The following CADM1 variants were observed in gnomAD, a reference collection of about 807,000 sequenced individuals.
CADM1 encodes the protein cell adhesion molecule 1.
In CADM1, 15 loss-of-function variants were observed where a neutral mutation model predicts 53.1. That is an observed-to-expected ratio of 0.28 (90% CI 0.19 to 0.44). The LOEUF (loss-of-function observed/expected upper bound fraction) is 0.44, where lower values mean the gene tolerates loss of function less well. Among genes scored for constraint, CADM1 ranks in the 20% least tolerant of loss-of-function variants. The probability of loss-of-function intolerance (pLI) is 1.00; values close to 1 mark genes in which losing one functional copy is unlikely to be tolerated. For missense variants in CADM1, 434 were observed against 611.3 expected (o/e 0.71, Z 3.06); for synonymous variants, 281 against 243.0 (o/e 1.16, Z -1.45).
chr11:115,468,442 T>C (rs1465090095), intron 1 of CADM1, among the ~76,000 whole-genome samples: 1 of 152,192 alleles, frequency 6.6e-6, no homozygotes, highest in African/African-American at 2.4e-5. Context: ...CAAAACTTCA[T>C]GAATAGGATA....
chr11:115,451,309 G>A (rs186647745), intron 1 of CADM1, among the ~76,000 whole-genome samples: 2 of 152,298 alleles, frequency 1.3e-5, no homozygotes, highest in Admixed American at 1.3e-4. Context: ...ACTATGGAAA[G>A]GGCTGTAATT....
intron 1 of CADM1, among the ~76,000 whole-genome samples, chr11:115,260,818 G>A (rs1358761853): frequency 6.7e-6 from 1 of 150,134 alleles, no homozygotes; most frequent in African/African-American, 2.5e-5. Context: ...GACTACAGGC[G>A]CCTGCCACCA....
At chr11:115,430,024 T>C (rs1948003467) in intron 1 of CADM1, among the ~76,000 whole-genome samples, 2 of 137,686 alleles carry the variant, frequency 1.5e-5, no homozygotes, top group Admixed American at 1.6e-4. Context: ...TACAATCCTA[T>C]AGTGCAAATT....
At chr11:115,458,924 C>G (rs1481048444) in intron 1 of CADM1, among the ~76,000 whole-genome samples, 1 of 152,062 alleles carries the variant, frequency 6.6e-6, no homozygotes, top group Admixed American at 6.5e-5. Context: ...AGAGTAGATA[C>G]CCCTTTTCAC....
At chr11:115,292,677 C>A (rs1472885322) in intron 1 of CADM1, among the ~76,000 whole-genome samples, 1 of 152,128 alleles carries the variant, frequency 6.6e-6, no homozygotes, top group Admixed American at 6.5e-5. Flanking sequence ...GTGTATCAGG[C>A]AGAACAGACA....
At chr11:115,415,932 G>A (rs1376530684) in intron 1 of CADM1, among the ~76,000 whole-genome samples, 1 of 151,830 alleles carries the variant, frequency 6.6e-6, no homozygotes, top group African/African-American at 2.4e-5. Flanking sequence ...GTGATCTTAG[G>A]GTAGAAAGAC....
chr11:115,445,408 G>T (rs1320802328), intron 1 of CADM1, among the ~76,000 whole-genome samples: 1 of 151,960 alleles, frequency 6.6e-6, no homozygotes, highest in South Asian at 2.1e-4. Context: ...GAATATTAAA[G>T]AAATTAGTAA....
chr11:115,449,424 C>T (rs1948523683), intron 1 of CADM1, among the ~76,000 whole-genome samples: 1 of 152,170 alleles, frequency 6.6e-6, no homozygotes, highest in South Asian at 2.1e-4. Context: ...CCTGCCAAAA[C>T]CAATAAGCCA....
chr11:115,347,207 C>G (rs940640070), intron 1 of CADM1, among the ~76,000 whole-genome samples: 3 of 152,058 alleles, frequency 2.0e-5, no homozygotes, highest in Admixed American at 6.6e-5. Context: ...AGGCTTCCTG[C>G]GCCAAAGACA....
At chr11:115,311,368 T>G (rs1163582139) in intron 1 of CADM1, among the ~76,000 whole-genome samples, 1 of 152,106 alleles carries the variant, frequency 6.6e-6, no homozygotes, top group Non-Finnish European at 1.5e-5. Context: ...CTCCACAAAA[T>G]ATAATCATCC....
At chr11:115,213,265 T>C (rs1468069610) in intron 7 of CADM1, among the ~76,000 whole-genome samples, 1 of 152,220 alleles carries the variant, frequency 6.6e-6, no homozygotes, top group African/African-American at 2.4e-5. Flanking sequence ...TGGCTCTGCA[T>C]ATCGCCAGCT....
intron 1 of CADM1, among the ~76,000 whole-genome samples, chr11:115,371,774 G>A (rs1688967777): frequency 6.6e-6 from 1 of 151,008 alleles, no homozygotes; most frequent in Non-Finnish European, 1.5e-5. Flanking sequence ...GAGTAGCTGG[G>A]TCTACAGGCA....
intron 1 of CADM1, among the ~76,000 whole-genome samples, chr11:115,406,344 A>T (rs1234660567): frequency 6.6e-6 from 1 of 151,942 alleles, no homozygotes; most frequent in African/African-American, 2.4e-5. Context: ...TGTTTTAAAG[A>T]GGTTTGATTT....
chr11:115,487,350 T>A lies in CADM1; in HGVS notation c.124+16921A>T, dbSNP rs1295207239. ...ATTATATATTCATCTTTTTAAAAAATTTATCTTTTTCTTGCTCCTTTAGTT... is the reference window on the plus strand; with the variant it reads ...ATTATATATTCATCTTTTTAAAAAAATTATCTTTTTCTTGCTCCTTTAGTT... On this transcript the variant is annotated intron_variant, in intron 1 of 11. Coordinates refer to ENST00000331581, the MANE Select transcript of CADM1 (RefSeq NM_001301043.2). 2.6e-5 allele frequency among the ~76,000 whole-genome samples: 4 copies of A among 152,278 alleles called. No homozygotes were observed. The South Asian group carries it at 6.2e-4, about 24-fold the overall frequency.
intron 1 of CADM1, among the ~76,000 whole-genome samples, chr11:115,336,372 G>A (rs1379288856): frequency 1.3e-5 from 2 of 152,118 alleles, no homozygotes; most frequent in African/African-American, 4.8e-5. Context: ...GAGCCTCCAA[G>A]GATCCATGGA....
chr11:115,218,187 C>T (rs897046011), intron 5 of CADM1, 196 bp from the exon 6 acceptor site: 15 of 582,656 alleles, frequency 2.6e-5, no homozygotes, highest in African/African-American at 1.8e-4. Flanking sequence ...AGGAGTGAAC[C>T]GCAAATAGAT....
intron 1 of CADM1, among the ~76,000 whole-genome samples, chr11:115,336,629 T>C (rs560054752): frequency 6.6e-6 from 1 of 152,222 alleles, no homozygotes; most frequent in African/African-American, 2.4e-5. Context: ...AGAACCAAAA[T>C]AAGTCAGGAA....
At chr11:115,498,298 G>A (rs1414131756) in intron 1 of CADM1, among the ~76,000 whole-genome samples, 2 of 152,118 alleles carry the variant, frequency 1.3e-5, no homozygotes, top group South Asian at 2.1e-4. Context: ...TAGCCAGTTC[G>A]AAATGGAAAG....
At chr11:115,289,458 G>T (rs1943820220) in intron 1 of CADM1, among the ~76,000 whole-genome samples, 1 of 152,118 alleles carries the variant, frequency 6.6e-6, no homozygotes, top group African/African-American at 2.4e-5. Context: ...GATCTACACT[G>T]ACACTGTTTA....
Sources: gnomAD v4.1 joint callset for allele counts (sites outside exome capture counted in the v4.1 genomes callset) on GRCh38, gnomAD v4.1.1 for gene constraint, MANE v1.5 for transcripts, NCBI Gene and HGNC (gene_info 2026-07-23, HGNC 2026-07-21) for gene names.